ABHD12: variants seen among roughly 807,000 people sequenced by gnomAD.
ABHD12 encodes the protein lysophosphatidylserine lipase ABHD12.
ABHD12 carries 43 observed loss-of-function variants against 58.3 expected under a neutral mutation model. That is an observed-to-expected ratio of 0.74 (90% confidence interval 0.58 to 0.95). The LOEUF is 0.95. ABHD12 is among the 40% of genes least tolerant of loss of function. The probability of loss-of-function intolerance (pLI) is 0.00; values close to 1 mark genes in which losing one functional copy is unlikely to be tolerated. For missense variants in ABHD12, 539 were observed against 537.2 expected (o/e 1.00, Z -0.03); for synonymous variants, 219 against 211.2 (o/e 1.04, Z -0.32).
chr20:25,324,295 G>C (rs545955109), intron 2 of ABHD12, among the ~76,000 whole-genome samples: 90 of 152,276 alleles, frequency 5.9e-4, no homozygotes, highest in African/African-American at 2.0e-3. Flanking sequence ...TGGCTGGGAG[G>C]ATATACAGAA....
intron 1 of ABHD12, among the ~76,000 whole-genome samples, chr20:25,345,078 G>A (rs976844278): frequency 5.3e-5 from 8 of 151,760 alleles, no homozygotes; most frequent in Admixed American, 2.6e-4. Flanking sequence ...ACTTGGGTAT[G>A]ACGAAGACTT....
Position 25,385,034 on chromosome 20 carries a change from C to T in ABHD12, c.191+5479G>A, listed in dbSNP as rs559542528. ...GGATATTAGATATATTACTGACTAGCCTAAATCAGGAGGAAAAAGCAGGCC... is the reference window on the plus strand; with the variant it reads ...GGATATTAGATATATTACTGACTAGTCTAAATCAGGAGGAAAAAGCAGGCC... On this transcript the variant is annotated intron_variant, in intron 1 of 12. Coordinates refer to ENST00000339157, the MANE Select transcript of ABHD12 (RefSeq NM_001042472.3). Among the ~76,000 whole-genome samples the T allele has an allele frequency of 2.6e-5, 4 of 152,062 alleles. No individual in the cohort carries two copies. The South Asian group carries it at 8.3e-4, about 32-fold the overall frequency.
chr20:25,382,287 C>G (rs1207767323), intron 1 of ABHD12, among the ~76,000 whole-genome samples: 1 of 151,972 alleles, frequency 6.6e-6, no homozygotes, highest in Non-Finnish European at 1.5e-5. Context: ...GGCATCCTGG[C>G]TCTTGGCCCC....
intron 12 of ABHD12, among the ~76,000 whole-genome samples, chr20:25,301,974 T>A (rs1208221736): frequency 6.6e-6 from 1 of 152,242 alleles, no homozygotes; most frequent in African/African-American, 2.4e-5. Context: ...CCCCCCCGTG[T>A]GGGTCTGTAC....
At chr20:25,302,412 C>A (rs1304454097) in intron 11 of ABHD12, 66 bp from the exon 12 acceptor site, 2 of 1,598,602 alleles carry the variant, frequency 1.3e-6, no homozygotes, top group East Asian at 2.2e-5. Context: ...TGAGGAACAC[C>A]AGCTTGGCAG....
chr20:25,331,752 T>C (rs531754899), intron 2 of ABHD12, among the ~76,000 whole-genome samples: 1 of 151,872 alleles, frequency 6.6e-6, no homozygotes, highest in Non-Finnish European at 1.5e-5. Context: ...GACAAGCAAA[T>C]GCTGAGAGAT....
At chr20:25,297,232 C>T (rs569949607), downstream of ABHD12, 1 of 152,398 alleles carries the variant, frequency 6.6e-6, no homozygotes, top group South Asian at 2.1e-4. Flanking sequence ...TCTCAGAGGC[C>T]TTGGTCAGGA....
intron 5 of ABHD12, among the ~76,000 whole-genome samples, chr20:25,316,479 C>T (rs2145959262): frequency 6.6e-6 from 1 of 152,120 alleles, no homozygotes; most frequent in Non-Finnish European, 1.5e-5. Context: ...ATTTTATACA[C>T]AAGTAACGTA....
intron 1 of ABHD12, among the ~76,000 whole-genome samples, chr20:25,355,670 T>C (rs543215699): frequency 3.0e-4 from 46 of 152,288 alleles, no homozygotes; most frequent in East Asian, 1.9e-4. Context: ...GCCATTCTCC[T>C]ACCTCAGCCT....
downstream of ABHD12, chr20:25,295,636 T>C (rs201552182): frequency 6.2e-7 from 1 of 1,614,056 alleles, no homozygotes; most frequent in Non-Finnish European, 8.5e-7. Flanking sequence ...GAAGCCTACA[T>C]GCAGTGCCAG....
chr20:25,322,381 A>ATATATATATATATATATATTTTTT, intron 3 of ABHD12, among the ~76,000 whole-genome samples: 60 of 59,240 alleles, frequency 1.0e-3, no homozygotes, highest in Middle Eastern at 9.4e-3. Context: ...ATATATATAT[A>ATATATATATATATATATATTTTTT]TTTTTTTTTT....
chr20:25,302,395 C>T (rs776655670), intron 11 of ABHD12, 49 bp from the exon 12 acceptor site: 1 of 1,609,564 alleles, frequency 6.2e-7, no homozygotes, highest in African/African-American at 1.3e-5. Flanking sequence ...GCATGGGGGT[C>T]CCAGCCTGAG....
chr20:25,332,380 A>C (rs1380061816), intron 2 of ABHD12, among the ~76,000 whole-genome samples: 1 of 152,146 alleles, frequency 6.6e-6, no homozygotes, highest in Non-Finnish European at 1.5e-5. Context: ...ACCCACTGTC[A>C]ACATTAGACA....
intron 1 of ABHD12, chr20:25,339,751 A>G (rs2089430601): frequency 7.6e-7 from 1 of 1,321,474 alleles, no homozygotes; most frequent in African/African-American, 1.5e-5. Flanking sequence ...CTGTGAGACA[A>G]CTGCAGGCAG....
Position 25,300,454 on chromosome 20 carries a change from G to T in ABHD12, c.*391C>A. 1 of 1,201,104 alleles carries T rather than the reference G, an allele frequency of 8.3e-7. No homozygotes were observed. Among genetic ancestry groups the T allele is most frequent in the Non-Finnish European group, 1.0e-6 (1 of 953,548 alleles). The allele number at this position is 1,201,104 out of a possible 1,614,324, so 74.4% of individuals were successfully genotyped here. ...GGTGCAGAAAGAACCTGGACCCCAC[G>T]TTCTCTGTGGGTGGTGCCAAAAAGC... On this transcript the variant is annotated 3_prime_UTR_variant, in exon 13 of 13. Coordinates refer to ENST00000339157, the MANE Select transcript of ABHD12 (RefSeq NM_001042472.3).
chr20:25,331,104 C>T (rs2089266797), intron 2 of ABHD12, among the ~76,000 whole-genome samples: 1 of 152,100 alleles, frequency 6.6e-6, no homozygotes, highest in African/African-American at 2.4e-5. Flanking sequence ...ATAACCAATA[C>T]AGAGAAGTGC....
At chr20:25,322,381 A>ATATATATATATATATATATTTTTTTTTTT in intron 3 of ABHD12, among the ~76,000 whole-genome samples, 10 of 59,260 alleles carry the variant, frequency 1.7e-4, no homozygotes, top group African/African-American at 5.0e-4. Context: ...ATATATATAT[A>ATATATATATATATATATATTTTTTTTTTT]TTTTTTTTTT....
At position 25,383,799 on chromosome 20, in the gene ABHD12, C is replaced by T. The variant is rs368918426; in HGVS notation, c.191+6714G>A. ...TGAAACCTCGTCCCTACTAAAAATA[C>T]AAAAAATTAGCCAGGTATGGTGGCG... On this transcript the variant is annotated intron_variant, in intron 1 of 12. Coordinates refer to ENST00000339157, the MANE Select transcript of ABHD12 (RefSeq NM_001042472.3). Among the ~76,000 whole-genome samples the T allele has an allele frequency of 5.5e-4, 83 of 151,860 alleles. 3 individuals are homozygous for T. In the South Asian group the frequency reaches 0.017, roughly 31 times the overall value.
At chr20:25,368,384 C>T (rs2089852840) in intron 1 of ABHD12, 1 of 1,589,130 alleles carries the variant, frequency 6.3e-7, no homozygotes, top group Middle Eastern at 1.7e-4. Context: ...CGCCTTGCCA[C>T]AGACCACATG....
Sources: gnomAD v4.1 joint callset for allele counts (sites outside exome capture counted in the v4.1 genomes callset) on GRCh38, gnomAD v4.1.1 for gene constraint, MANE v1.5 for transcripts, NCBI Gene and HGNC (gene_info 2026-07-23, HGNC 2026-07-21) for gene names.